The following APOL6 variants were observed in gnomAD, a reference collection of about 807,000 sequenced individuals.
APOL6 encodes the protein apolipoprotein L, 6.
A neutral mutation model predicts 2.4 loss-of-function variants in APOL6; 1 was observed. That is an observed-to-expected ratio of 0.41 (90% CI 0.15 to 1.94). The LOEUF (loss-of-function observed/expected upper bound fraction) is 1.94, where lower values mean the gene tolerates loss of function less well. Among genes scored for constraint, APOL6 ranks in the 30% most tolerant of loss-of-function variants. The probability of loss-of-function intolerance (pLI) is 0.30; values close to 1 mark genes in which losing one functional copy is unlikely to be tolerated. For synonymous variants in APOL6, 189 were observed against 169.3 expected (o/e 1.12, Z -0.90); for missense variants, 438 against 429.2 (o/e 1.02, Z -0.18).
At position 35,656,368 on chromosome 22, in the gene APOL6, T is replaced by A; in HGVS notation, c.-47-11T>A. On this transcript the variant is annotated splice_polypyrimidine_tract_variant and intron_variant, in intron 1 of 2. Transcript: ENST00000409652. The stretch of plus-strand genomic sequence containing the variant: ...TGTGCAGTAACGTTGTTTTTCTACA[T>A]TCCTGACCAGAAAATCATTTGACTC... 1 of 1,605,626 alleles carries A rather than the reference T, an allele frequency of 6.2e-7. No individual in the cohort carries two copies.
In APOL6 at chr22:35,656,359, T is replaced by C. The variant is rs1924843781; in HGVS notation, c.-47-20T>C. 2 of 1,593,632 alleles carry C rather than the reference T, an allele frequency of 1.3e-6. No homozygotes were observed. The highest frequency in any genetic ancestry group is 4.5e-5 in the East Asian group (2 of 44,748). On this transcript the variant is annotated intron_variant, in intron 1 of 2. Transcript: ENST00000409652. ...TTCATCATATGTGCAGTAACGTTGT[T>C]TTTCTACATTCCTGACCAGAAAATC...
chr22:35,651,016 G>A (rs991603301), intron 1 of APOL6, among the ~76,000 whole-genome samples: 1 of 152,024 alleles, frequency 6.6e-6, no homozygotes, highest in African/African-American at 2.4e-5. Flanking sequence ...TAACTTTTTA[G>A]AAGTGGAAGG....
At chr22:35,650,117 C>T (rs758124185) in intron 1 of APOL6, among the ~76,000 whole-genome samples, 1 of 152,120 alleles carries the variant, frequency 6.6e-6, no homozygotes, top group Non-Finnish European at 1.5e-5. Flanking sequence ...ATCTTAGCAC[C>T]GATCTCACTG....
chr22:35,652,237 A>G (rs1188669801), intron 1 of APOL6, among the ~76,000 whole-genome samples: 1 of 146,354 alleles, frequency 6.8e-6, no homozygotes, highest in Non-Finnish European at 1.5e-5. Flanking sequence ...CCACTTTTTG[A>G]TGGAGTTGTT....
Position 35,666,787 on chromosome 22 carries a change from ATGT to A in APOL6, c.*7193_*7195del, listed in dbSNP as rs1402711328. ...CAATCTTTTTGACTTTTTGCTTAAA[ATGT>A]TTGCTGATCCTTTGTTTTGTGTTTC... On this transcript the variant is annotated 3_prime_UTR_variant, in exon 3 of 3. Transcript: ENST00000409652. 1 of 152,190 alleles carries A rather than the reference ATGT, an allele frequency of 6.6e-6. No individual in the cohort carries two copies. Among genetic ancestry groups the A allele is most frequent in the Non-Finnish European group, 1.5e-5 (1 of 68,024 alleles). The allele number at this position is 152,190 out of a possible 1,614,324, so 9.4% of individuals were successfully genotyped here. A position where few individuals can be genotyped will look rare whatever the true frequency, so the allele number is the denominator to read the frequency against.
At chr22:35,652,947 G>T (rs1463994952) in intron 1 of APOL6, among the ~76,000 whole-genome samples, 2 of 151,794 alleles carry the variant, frequency 1.3e-5, no homozygotes, top group Non-Finnish European at 2.9e-5. Flanking sequence ...GTCATTGGTA[G>T]CTTGATGGGG....
At chr22:35,653,364 C>G (rs1027844513) in intron 1 of APOL6, among the ~76,000 whole-genome samples, 15 of 152,206 alleles carry the variant, frequency 9.9e-5, no homozygotes, top group African/African-American at 3.4e-4. Flanking sequence ...TTGACTTCCT[C>G]TTTTCCTAAT....
chr22:35,650,844 C>T (rs757974705), intron 1 of APOL6, among the ~76,000 whole-genome samples: 1 of 151,724 alleles, frequency 6.6e-6, no homozygotes, highest in African/African-American at 2.4e-5. Flanking sequence ...GCAGGAGAAT[C>T]GCTTGAATCT....
chr22:35,660,985 G>A lies in APOL6; in HGVS notation c.*1389G>A, dbSNP rs190877572. The A allele has an allele frequency of 6.6e-6, 1 of 152,322 alleles. No homozygotes were observed. The highest frequency in any genetic ancestry group is 1.9e-4 in the East Asian group (1 of 5,182). 9.4% of individuals were successfully genotyped at this position (152,322 alleles called of 1,614,324 possible). On this transcript the variant is annotated 3_prime_UTR_variant, in exon 3 of 3. Transcript: ENST00000409652. Reference sequence around the variant, plus strand: ...TTTTAATGTGGGCCAGATGGCAGAAGCTTAAATAACACCCCAAGCTACAGG... The same window carrying A: ...TTTTAATGTGGGCCAGATGGCAGAAACTTAAATAACACCCCAAGCTACAGG...
chr22:35,667,469 C>A lies in APOL6; in HGVS notation c.*7873C>A, dbSNP rs61203224. The A allele has an allele frequency of 1.3e-5, 2 of 152,076 alleles. No individual in the cohort carries two copies. The highest frequency in any genetic ancestry group is 4.8e-5 in the African/African-American group (2 of 41,384). The allele number at this position is 152,076 out of a possible 1,614,324, so 9.4% of individuals were successfully genotyped here. The stretch of plus-strand genomic sequence containing the variant: ...GAGAACATCTAGGGATCTAGCAAAG[C>A]GAGAGATACATGAAGGACATAAAAA... On this transcript the variant is annotated 3_prime_UTR_variant, in exon 3 of 3. Transcript: ENST00000409652.
At chr22:35,656,783 A>T (rs1483549955) in intron 2 of APOL6, among the ~76,000 whole-genome samples, 1 of 152,226 alleles carries the variant, frequency 6.6e-6, no homozygotes, top group Non-Finnish European at 1.5e-5. Flanking sequence ...TGAAGACAGG[A>T]ACTCCATTTC....
chr22:35,666,348 CT>C lies in APOL6; in HGVS notation c.*6753del, dbSNP rs1194676433. On this transcript the variant is annotated 3_prime_UTR_variant, in exon 3 of 3. Transcript: ENST00000409652. ...AGTGCAGCGGCACGATCTTGGCTCA[CT>C]GCAACTGCCACCTCCCAGGTTCAAG... 1 of 152,240 alleles carries C rather than the reference CT, an allele frequency of 6.6e-6. No homozygotes were observed. Among genetic ancestry groups the C allele is most frequent in the Non-Finnish European group, 1.5e-5 (1 of 68,060 alleles). 9.4% of individuals were successfully genotyped at this position (152,240 alleles called of 1,614,324 possible).
In APOL6 at chr22:35,667,991, C is replaced by A. The variant is rs1441719435; in HGVS notation, c.*8395C>A. The stretch of plus-strand genomic sequence containing the variant: ...TGGGAGTCGAACATGCCTCATCATA[C>A]CCTCCAGCATTAACATCAACACAGA... On this transcript the variant is annotated 3_prime_UTR_variant, in exon 3 of 3. Transcript: ENST00000409652. 3.9e-5 allele frequency: 6 copies of A among 152,142 alleles called. No individual in the cohort carries two copies. Among genetic ancestry groups the A allele is most frequent in the African/African-American group, 7.2e-5 (3 of 41,430 alleles). 9.4% of individuals were successfully genotyped at this position (152,142 alleles called of 1,614,324 possible). A position where few individuals can be genotyped will look rare whatever the true frequency, so the allele number is the denominator to read the frequency against.
In APOL6 at chr22:35,658,908, G is replaced by C. The variant is rs749166063; in HGVS notation, c.344G>C (p.Gly115Ala). The C allele has an allele frequency of 1.2e-6, 2 of 1,614,030 alleles. No individual in the cohort carries two copies. Among genetic ancestry groups the C allele is most frequent in the South Asian group, 2.2e-5 (2 of 91,090 alleles). Residue 115 changes from glycine to alanine, a missense_variant, in exon 3 of 3, where the codon GGT becomes GCT. Coordinates refer to ENST00000409652, the MANE Select transcript of APOL6 (RefSeq NM_030641.4). ...GSLLLSTAGQ[G>A]LATAAGVTSI... The stretch of plus-strand genomic sequence containing the variant: ...CTGCTGCTCTCCACCGCTGGTCAAG[G>C]TTTGGCAACAGCAGCTGGGGTCACC...
chr22:35,652,317 A>G (rs929123194), intron 1 of APOL6, among the ~76,000 whole-genome samples: 14 of 151,578 alleles, frequency 9.2e-5, no homozygotes, highest in African/African-American at 3.4e-4. Context: ...AGATGAGTAG[A>G]TTGCAAAAAT....
chr22:35,654,980 C>T (rs571904131), intron 1 of APOL6, among the ~76,000 whole-genome samples: 2 of 152,222 alleles, frequency 1.3e-5, no homozygotes, highest in South Asian at 2.1e-4. Flanking sequence ...GAGGAAGCTG[C>T]GTAACAAAAC....
chr22:35,658,363 C>T (rs920511352), intron 2 of APOL6, among the ~76,000 whole-genome samples: 3 of 152,210 alleles, frequency 2.0e-5, no homozygotes, highest in African/African-American at 7.2e-5. Context: ...TTTCCTTCCC[C>T]ATTCCTTGAC....
chr22:35,649,918 C>T (rs1924644313), intron 1 of APOL6, among the ~76,000 whole-genome samples: 2 of 152,272 alleles, frequency 1.3e-5, no homozygotes, highest in Non-Finnish European at 2.9e-5. Flanking sequence ...ATACCAACAG[C>T]AGTACCCTCT....
rs146036426 is a variant in APOL6 at position 35,657,124 on chromosome 22, T to C, written c.50+649T>C. Among the ~76,000 whole-genome samples the C allele has an allele frequency of 2.6e-3, 391 of 152,342 alleles. 4 individuals are homozygous for C. Among genetic ancestry groups the C allele is most frequent in the African/African-American group, 9.2e-3 (382 of 41,580 alleles). On this transcript the variant is annotated intron_variant, in intron 2 of 2. Transcript: ENST00000409652. The stretch of plus-strand genomic sequence containing the variant: ...TCAACCATGCTAAAACCAAAAACTT[T>C]ACAGTTCATACACAGTGGCGTTGTT...
Sources: allele counts gnomAD v4.1 joint callset (sites outside exome capture counted in the v4.1 genomes callset), GRCh38; gene constraint gnomAD v4.1.1; transcripts MANE v1.5; gene names NCBI Gene and HGNC (gene_info 2026-07-23, HGNC 2026-07-21).